Variants in CARMIL1 observed in about 807,000 individuals in gnomAD.
CARMIL1 encodes capping protein regulator and myosin 1 linker 1.
CARMIL1 carries 90 observed loss-of-function variants against 177.1 expected under a neutral mutation model. The observed-to-expected ratio is 0.51, with a 90% CI of 0.43 to 0.61. The LOEUF (loss-of-function observed/expected upper bound fraction) is 0.61, where lower values mean the gene tolerates loss of function less well. CARMIL1 is among the 20% of genes least tolerant of loss of function. CARMIL1 has a pLI of 0.00. For synonymous variants in CARMIL1, 577 were observed against 606.2 expected (o/e 0.95, Z 0.71); for missense variants, 1,380 against 1,667.0 (o/e 0.83, Z 3.00).
intron 2 of CARMIL1, among the ~76,000 whole-genome samples, chr6:25,397,936 T>C (rs1793561593): frequency 6.6e-6 from 1 of 152,198 alleles, no homozygotes; most frequent in South Asian, 2.1e-4. Flanking sequence ...TCTGTGTCTG[T>C]GTGTGCATGT....
chr6:25,520,824 T>A (rs1232488345), intron 23 of CARMIL1, among the ~76,000 whole-genome samples: 1 of 152,166 alleles, frequency 6.6e-6, no homozygotes, highest in East Asian at 1.9e-4. Flanking sequence ...TACCTTCCAC[T>A]TCAAAGCCCA....
At chr6:25,432,918 A>G (rs1796938324) in intron 4 of CARMIL1, 2 of 152,048 alleles carry the variant, frequency 1.3e-5, no homozygotes, top group Admixed American at 1.3e-4. Flanking sequence ...ATTATTTTAA[A>G]TGTATATTAG....
intron 2 of CARMIL1, among the ~76,000 whole-genome samples, chr6:25,338,567 T>TTTTA (rs376819546): frequency 1.4e-5 from 2 of 141,022 alleles, no homozygotes; most frequent in African/African-American, 2.6e-5. Context: ...TTTTTTTTTT[T>TTTTA]ATTTCTTGAC....
At chr6:25,450,564 A>C in intron 7 of CARMIL1, 74 bp from the exon 8 acceptor site, 1 of 1,072,528 alleles carries the variant, frequency 9.3e-7, no homozygotes, top group South Asian at 1.3e-5. Flanking sequence ...GTCATTGTCT[A>C]ATTCTCACTG....
intron 24 of CARMIL1, among the ~76,000 whole-genome samples, chr6:25,534,225 G>A (rs1449145861): frequency 2.6e-5 from 4 of 151,456 alleles, no homozygotes; most frequent in Admixed American, 2.0e-4. Flanking sequence ...CTGAGCCACC[G>A]TGAATGTTTA....
intron 32 of CARMIL1, among the ~76,000 whole-genome samples, chr6:25,595,025 G>A (rs1814687942): frequency 6.6e-6 from 1 of 152,190 alleles, no homozygotes; most frequent in Non-Finnish European, 1.5e-5. Context: ...AACAGACAGT[G>A]TCAAAATGAC....
chr6:25,463,547 G>T (rs1026491963), intron 8 of CARMIL1, among the ~76,000 whole-genome samples: 3 of 152,180 alleles, frequency 2.0e-5, no homozygotes, highest in Non-Finnish European at 2.9e-5. Context: ...CACAAAAAGT[G>T]GTTCTGAAGT....
At chr6:25,404,377 GTA>G (rs1315489239) in intron 2 of CARMIL1, among the ~76,000 whole-genome samples, 1 of 152,220 alleles carries the variant, frequency 6.6e-6, no homozygotes, top group South Asian at 2.1e-4. Context: ...GCTGCTTTGG[GTA>G]TATGTTTGTT....
chr6:25,311,811 G>A (rs9358851), intron 2 of CARMIL1, among the ~76,000 whole-genome samples: 63,216 of 152,002 alleles, frequency 0.42, 13,758 homozygotes, highest in Middle Eastern at 0.47. Context: ...AGAGGGCCAG[G>A]GGATAAGTAG....
rs963197028 is a variant in CARMIL1, at chr6:25,537,878, A to G, written c.2091A>G (p.Lys697=). Residue 697 remains lysine, a synonymous_variant, in exon 25 of 37, where the codon AAA becomes AAG. Coordinates refer to ENST00000329474, the MANE Select transcript of CARMIL1 (RefSeq NM_017640.6). The part of the protein sequence containing the change: ...TQQMIDRICV[K]VQDHLNSLRN... ...AGATGATTGACAGAATATGTGTGAA[A>G]GTACAAGATCATCTCAACTCCTTAC... The G allele has an allele frequency of 1.9e-6, 3 of 1,610,996 alleles. No individual in the cohort carries two copies. Among genetic ancestry groups the G allele is most frequent in the Admixed American group, 3.4e-5 (2 of 59,662 alleles).
chr6:25,446,524 G>A (rs564382451), intron 5 of CARMIL1, among the ~76,000 whole-genome samples: 48 of 152,278 alleles, frequency 3.2e-4, no homozygotes, highest in Non-Finnish European at 5.3e-4. Flanking sequence ...TTAAAGCCTT[G>A]TTCTGGATTA....
intron 8 of CARMIL1, among the ~76,000 whole-genome samples, chr6:25,463,162 AT>A (rs1800270667): frequency 2.0e-5 from 3 of 152,194 alleles, no homozygotes; most frequent in Admixed American, 2.0e-4. Context: ...AAACATAATA[AT>A]TTTGTTAGAA....
chr6:25,581,770 T>A (rs1014339110), intron 31 of CARMIL1, among the ~76,000 whole-genome samples: 16 of 152,218 alleles, frequency 1.1e-4, no homozygotes, highest in African/African-American at 3.1e-4. Context: ...TAAATGTCTC[T>A]AGTATTTTAC....
intron 9 of CARMIL1, among the ~76,000 whole-genome samples, chr6:25,470,607 G>T (rs991277538): frequency 6.6e-6 from 1 of 152,090 alleles, no homozygotes; most frequent in African/African-American, 2.4e-5. Flanking sequence ...CATAGATTGG[G>T]TAGCTTATAA....
chr6:25,541,677 G>A (rs1291725143), intron 26 of CARMIL1, among the ~76,000 whole-genome samples: 1 of 151,940 alleles, frequency 6.6e-6, no homozygotes, highest in South Asian at 2.1e-4. Flanking sequence ...TTTTTGAGAT[G>A]GTGTGTAGCT....
At position 25,326,720 on chromosome 6, in the gene CARMIL1, A is replaced by T. The variant is rs774359534; in HGVS notation, c.138+41811A>T. On this transcript the variant is annotated intron_variant, in intron 2 of 36. Transcript: ENST00000329474. This position sits in a 1 kb window ranked among gnomAD's most constrained non-coding sequence, Gnocchi z 4.2. The stretch of plus-strand genomic sequence containing the variant: ...ACTGGTCTAGGGATTGCTGGAGGAG[A>T]TGGTAAGCAGTAGATGGATTCTGGT... Among the ~76,000 whole-genome samples, 1 of 152,146 alleles carries T rather than the reference A, an allele frequency of 6.6e-6. No individual in the cohort carries two copies. The highest frequency in any genetic ancestry group is 1.5e-5 in the Non-Finnish European group (1 of 68,032).
chr6:25,426,267 C>CTT (rs2150723559), intron 3 of CARMIL1, among the ~76,000 whole-genome samples: 1 of 152,200 alleles, frequency 6.6e-6, no homozygotes, highest in South Asian at 2.1e-4. Context: ...AGCTTCCTTT[C>CTT]TTTTCTTTTT....
At chr6:25,413,324 C>G (rs1226747349) in intron 2 of CARMIL1, among the ~76,000 whole-genome samples, 1 of 152,068 alleles carries the variant, frequency 6.6e-6, no homozygotes, top group Admixed American at 6.6e-5. Flanking sequence ...ACGTAGAGCC[C>G]AATTTTAAAG....
intron 2 of CARMIL1, among the ~76,000 whole-genome samples, chr6:25,319,320 A>C (rs2150233279): frequency 6.6e-6 from 1 of 152,214 alleles, no homozygotes; most frequent in Admixed American, 6.5e-5. Flanking sequence ...TATGATTGAG[A>C]CTTATTTAGT....
Sources: gnomAD v4.1 joint callset for allele counts (sites outside exome capture counted in the v4.1 genomes callset) on GRCh38, gnomAD v4.1.1 for gene constraint, Gnocchi (gnomAD v3.1) non-coding constraint, MANE v1.5 for transcripts, NCBI Gene and HGNC (gene_info 2026-07-23, HGNC 2026-07-21) for gene names.